The following NAV3 variants were observed in gnomAD, a reference collection of about 807,000 sequenced individuals.
The protein encoded by NAV3 is neuron navigator 3.
A neutral mutation model predicts 244.7 loss-of-function variants in NAV3; 87 were observed. The ratio of observed to expected loss-of-function variants is 0.36; its 90% CI spans 0.30 to 0.42. The LOEUF (loss-of-function observed/expected upper bound fraction) is 0.42. Among genes scored for constraint, NAV3 ranks in the 20% least tolerant of loss-of-function variants. NAV3 has a pLI of 1.00. For missense variants in NAV3, 2,663 were observed against 2,893.3 expected (o/e 0.92, Z 1.83); for synonymous variants, 1,126 against 1,042.2 (o/e 1.08, Z -1.55).
rs1269572619 is a variant in NAV3, at chr12:77,706,879, AAAAAAAAAAAAAAACC to A, written c.72+134627_72+134642del. On this transcript the variant is annotated intron_variant, in intron 2 of 8. Transcript: ENST00000550042. ...GAGTGAGACTCTGTTTCAAAAAAAA[AAAAAAAAAAAAAAACC>A]AAAAAAAAAAAAACTAGGAAAAAAA... is the stretch of plus-strand genomic sequence containing the variant. Among the ~76,000 whole-genome samples the A allele has an allele frequency of 7.0e-5, 10 of 142,316 alleles. No individual in the cohort carries two copies. The East Asian group carries it at 9.8e-4, about 14-fold the overall frequency. The allele number at this position is 142,316 out of a possible 152,430, so 93.4% of individuals were successfully genotyped here.
intron 1 of NAV3, among the ~76,000 whole-genome samples, chr12:77,873,329 T>A (rs190824331): frequency 6.6e-6 from 1 of 152,108 alleles, no homozygotes; most frequent in Non-Finnish European, 1.5e-5. Context: ...AGTTTTAATA[T>A]ATGTGAAGAT....
intron 23 of NAV3, among the ~76,000 whole-genome samples, chr12:78,160,250 A>T (rs1957471191): frequency 6.6e-6 from 1 of 152,184 alleles, no homozygotes; most frequent in South Asian, 2.1e-4. Context: ...AAAAAGGTCC[A>T]TACTGCATAG....
At chr12:77,658,062 C>G (rs1352200593) in intron 2 of NAV3, among the ~76,000 whole-genome samples, 2 of 150,664 alleles carry the variant, frequency 1.3e-5, no homozygotes, top group African/African-American at 2.4e-5. Context: ...CAGGGATGCC[C>G]TCTCTCACCA....
chr12:77,996,289 A>G (rs766408219), intron 6 of NAV3, among the ~76,000 whole-genome samples: 17 of 152,174 alleles, frequency 1.1e-4, no homozygotes, highest in Non-Finnish European at 2.4e-4. Flanking sequence ...GGGTTCCTTC[A>G]ACAGAGTGCA....
At chr12:78,096,148 CA>C (rs1349286868) in intron 12 of NAV3, among the ~76,000 whole-genome samples, 1 of 152,190 alleles carries the variant, frequency 6.6e-6, no homozygotes, top group East Asian at 1.9e-4. Flanking sequence ...GTCCTAAGAT[CA>C]AGCTGATGAA....
At chr12:77,895,270 G>C (rs576982005) in intron 1 of NAV3, among the ~76,000 whole-genome samples, 1 of 151,760 alleles carries the variant, frequency 6.6e-6, no homozygotes, top group African/African-American at 2.4e-5. Flanking sequence ...TTGCTATTCT[G>C]TCAAAGGACA....
At chr12:78,027,860 G>A (rs557200526) in intron 9 of NAV3, among the ~76,000 whole-genome samples, 15 of 152,148 alleles carry the variant, frequency 9.9e-5, no homozygotes, top group Middle Eastern at 3.4e-3. Context: ...ATTTTTCATT[G>A]TGTGGCATAA....
chr12:77,674,477 G>A lies in NAV3; in HGVS notation c.72+102211G>A, dbSNP rs1301871306. Among the ~76,000 whole-genome samples, 4 of 151,920 alleles carry A rather than the reference G, an allele frequency of 2.6e-5. No individual in the cohort carries two copies. In the East Asian group the frequency reaches 7.7e-4, roughly 29 times the overall value. ...GGCTCACTGTAGCCTCAACCTCCCA[G>A]GCTCAGGTGATCCTCCCACCTCAGC... On this transcript the variant is annotated intron_variant, in intron 2 of 8. Coordinates refer to the NAV3 transcript ENST00000550042.
intron 2 of NAV3, among the ~76,000 whole-genome samples, chr12:77,659,166 A>C (rs1404239195): frequency 6.6e-6 from 1 of 151,824 alleles, no homozygotes; most frequent in Non-Finnish European, 1.5e-5. Context: ...ATCAGAGTGA[A>C]CAGGCAACCC....
At chr12:77,574,230 G>A (rs1335272323) in intron 2 of NAV3, among the ~76,000 whole-genome samples, 1 of 152,042 alleles carries the variant, frequency 6.6e-6, no homozygotes, top group African/African-American at 2.4e-5. Context: ...TGGCTCCTTC[G>A]CTGGTGTGGG....
chr12:77,737,982 C>T (rs1263723821), intron 2 of NAV3, among the ~76,000 whole-genome samples: 1 of 152,152 alleles, frequency 6.6e-6, no homozygotes, highest in Non-Finnish European at 1.5e-5. Flanking sequence ...CCTCCCTTGA[C>T]ATCCCACCCC....
chr12:78,179,776 G>A, intron 29 of NAV3, 94 bp downstream of exon 29: 4 of 1,352,136 alleles, frequency 3.0e-6, no homozygotes, highest in Non-Finnish European at 4.0e-6. Flanking sequence ...AATTCCACTT[G>A]GAAACCCACC....
intron 2 of NAV3, among the ~76,000 whole-genome samples, chr12:77,704,679 A>T (rs898153856): frequency 9.2e-5 from 14 of 151,648 alleles, no homozygotes; most frequent in African/African-American, 3.4e-4. Flanking sequence ...AAGTGGAGTG[A>T]AATGGACTCC....
intron 2 of NAV3, among the ~76,000 whole-genome samples, chr12:77,782,581 A>G (rs1870720007): frequency 6.6e-6 from 1 of 152,158 alleles, no homozygotes; most frequent in Non-Finnish European, 1.5e-5. Context: ...TATTTGAGCA[A>G]ACAGCCTGTA....
chr12:77,794,124 T>C (rs1871302339), intron 2 of NAV3, among the ~76,000 whole-genome samples: 1 of 152,242 alleles, frequency 6.6e-6, no homozygotes, highest in Middle Eastern at 3.2e-3. Flanking sequence ...ATGTCTTCTT[T>C]TGAGAAATGT....
intron 38 of NAV3, among the ~76,000 whole-genome samples, chr12:78,203,935 C>T (rs181716540): frequency 7.4e-4 from 112 of 150,848 alleles, no homozygotes; most frequent in African/African-American, 2.7e-3. Context: ...TGTTTAACAT[C>T]TCTTGGATTT....
chr12:78,178,160 GT>G (rs3054763), intron 28 of NAV3, among the ~76,000 whole-genome samples: 79,281 of 120,502 alleles, frequency 0.66, 24,496 homozygotes, highest in East Asian at 0.81. Flanking sequence ...TCAAAATAGT[GT>G]TTTTTTTTTT....
At chr12:77,907,630 A>G (rs1481802131) in intron 1 of NAV3, among the ~76,000 whole-genome samples, 1 of 152,084 alleles carries the variant, frequency 6.6e-6, no homozygotes, top group Non-Finnish European at 1.5e-5. Context: ...GTGGAAGGAG[A>G]AAAGACTTTT....
intron 24 of NAV3, among the ~76,000 whole-genome samples, chr12:78,171,684 G>A (rs1215157845): frequency 6.6e-6 from 1 of 151,448 alleles, no homozygotes; most frequent in Admixed American, 6.6e-5. Context: ...TAGTCAGTTG[G>A]ACTAATTATG....
Sources: gnomAD v4.1 joint callset for allele counts (sites outside exome capture counted in the v4.1 genomes callset) on GRCh38, gnomAD v4.1.1 for gene constraint, MANE v1.5 for transcripts, NCBI Gene and HGNC (gene_info 2026-07-23, HGNC 2026-07-21) for gene names.